ARID4A: variants seen among roughly 807,000 people sequenced by gnomAD.
The protein encoded by ARID4A is AT-rich interaction domain 4A.
In ARID4A, 39 loss-of-function variants were observed where a neutral mutation model predicts 148.6. The observed-to-expected ratio is 0.26, with a 90% CI of 0.20 to 0.34. The LOEUF (loss-of-function observed/expected upper bound fraction) is 0.34. Ranked by LOEUF, ARID4A falls within the 10% of genes least tolerant of loss-of-function variation. The pLI, the probability that ARID4A is intolerant of heterozygous loss-of-function variation, is 1.00. For missense variants in ARID4A, 1,265 were observed against 1,449.1 expected, an observed-to-expected ratio of 0.87 and a Z score of 2.06; for synonymous variants, 475 against 481.2, an observed-to-expected ratio of 0.99 and a Z score of 0.17.
intron 11 of ARID4A, among the ~76,000 whole-genome samples, chr14:58,335,458 C>T (rs1284146370): frequency 2.0e-5 from 3 of 152,044 alleles, no homozygotes; most frequent in South Asian, 4.2e-4. Flanking sequence ...AGATTACAGG[C>T]ATGCACCTCC....
rs1230159116 is a variant in ARID4A at position 58,373,873 on chromosome 14, A to C, written c.*1884A>C. Reference sequence around the variant, plus strand: ...CAATAAAATATTTCTACTAATTATAAAAATGAAAAAAAAAGTGTCATTTAA... The same window carrying C: ...CAATAAAATATTTCTACTAATTATACAAATGAAAAAAAAAGTGTCATTTAA... On this transcript the variant is annotated 3_prime_UTR_variant, in exon 24 of 24. Coordinates refer to ENST00000355431, the MANE Select transcript of ARID4A (RefSeq NM_002892.4). 6.5e-6 allele frequency: 1 copy of C among 153,046 alleles called. No individual in the cohort carries two copies. Among genetic ancestry groups the C allele is most frequent in the African/African-American group, 2.4e-5 (1 of 41,476 alleles). The allele number at this position is 153,046 out of a possible 1,614,324, so 9.5% of individuals were successfully genotyped here. A position where few individuals can be genotyped will look rare whatever the true frequency, so the allele number is the denominator to read the frequency against.
In ARID4A at chr14:58,366,121, A is replaced by AT; in HGVS notation, c.3414_3415insT (p.Arg1139SerfsTer17). The AT allele has an allele frequency of 6.2e-7, 1 of 1,613,946 alleles. No homozygotes were observed. Among genetic ancestry groups the AT allele is most frequent in the Non-Finnish European group, 8.5e-7 (1 of 1,179,838 alleles). On this transcript the variant is annotated frameshift_variant, in exon 22 of 24. Transcript: ENST00000355431. LOFTEE classifies it high-confidence loss of function. ...ATGTATCTAAGCCACAGAAACTTGC[A>AT]CGATCTCCTGCAAGAATATCCCCGC...
intron 11 of ARID4A, 86 bp downstream of exon 11, chr14:58,330,255 G>C: frequency 1.3e-6 from 2 of 1,498,898 alleles, no homozygotes; most frequent in Non-Finnish European, 1.8e-6. Context: ...CCTCTGTTTA[G>C]ATTCTCTATT....
chr14:58,365,332 A>G (rs765560740), intron 20 of ARID4A, 32 bp downstream of exon 20: 11 of 1,561,528 alleles, frequency 7.0e-6, no homozygotes, highest in Non-Finnish European at 9.5e-6. Flanking sequence ...GTAAGTGTTT[A>G]TATGAAACCA....
At chr14:58,351,401 G>C (rs1234522915) in intron 16 of ARID4A, 78 bp downstream of exon 16, 1 of 1,517,298 alleles carries the variant, frequency 6.6e-7, no homozygotes, top group Non-Finnish European at 8.8e-7. Context: ...AGAGATTCAG[G>C]TTTGAGGGAA....
At chr14:58,341,142 T>C (rs528722225) in intron 11 of ARID4A, among the ~76,000 whole-genome samples, 1 of 152,320 alleles carries the variant, frequency 6.6e-6, no homozygotes, top group African/African-American at 2.4e-5. Flanking sequence ...CTGGCAGGAC[T>C]AATTCAGGCA....
chr14:58,306,226 T>C lies in ARID4A; in HGVS notation c.274+114T>C, dbSNP rs375549627. 128 of 775,430 alleles carry C rather than the reference T, an allele frequency of 1.7e-4. No homozygotes were observed. In the East Asian group the frequency reaches 3.1e-3, roughly 19 times the overall value. The allele number at this position is 775,430 out of a possible 1,614,324, so 48.0% of individuals were successfully genotyped here. A position where few individuals can be genotyped will look rare whatever the true frequency, so the allele number is the denominator to read the frequency against. ...AGAAATATATATTATTTCCTGTCAG[T>C]TTACTGGATATAGCTGACTAAAATT... is the stretch of plus-strand genomic sequence containing the variant. On this transcript the variant is annotated intron_variant, in intron 5 of 23. Transcript: ENST00000355431.
intron 9 of ARID4A, among the ~76,000 whole-genome samples, chr14:58,329,239 A>G (rs1240385309): frequency 6.6e-6 from 1 of 152,200 alleles, no homozygotes; most frequent in Non-Finnish European, 1.5e-5. Context: ...TGTTGAAAAC[A>G]TCATGCTGAT....
intron 11 of ARID4A, among the ~76,000 whole-genome samples, chr14:58,341,378 T>C (rs2034110696): frequency 6.6e-6 from 1 of 152,262 alleles, no homozygotes; most frequent in Non-Finnish European, 1.5e-5. Flanking sequence ...CTTACGCTGT[T>C]TGCCCATTTG....
chr14:58,343,281 G>A (rs2034201648), intron 11 of ARID4A, among the ~76,000 whole-genome samples: 1 of 152,004 alleles, frequency 6.6e-6, no homozygotes, highest in Admixed American at 6.6e-5. Flanking sequence ...TTTATATTTG[G>A]TAAAAGTATT....
In ARID4A at chr14:58,330,835, A is replaced by G. The variant is rs1379979772; in HGVS notation, c.906+666A>G. Among the ~76,000 whole-genome samples, 20 of 152,210 alleles carry G rather than the reference A, an allele frequency of 1.3e-4. No individual in the cohort carries two copies. The East Asian group carries it at 3.3e-3, about 25-fold the overall frequency. On this transcript the variant is annotated intron_variant, in intron 11 of 23. Transcript: ENST00000355431. ...TATAATATGCATATAATTGTAGGAA[A>G]TCATCCATGGAGTACTTCATGATTG... is the stretch of plus-strand genomic sequence containing the variant.
At chr14:58,328,195 C>A in intron 8 of ARID4A, 42 bp from the exon 9 acceptor site, 2 of 1,364,064 alleles carry the variant, frequency 1.5e-6, no homozygotes, top group Non-Finnish European at 2.1e-6. Flanking sequence ...TTTTTCTGAG[C>A]ACAGGAAATA....
At chr14:58,317,323 CGT>C (rs2032503022) in intron 5 of ARID4A, among the ~76,000 whole-genome samples, 1 of 139,382 alleles carries the variant, frequency 7.2e-6, no homozygotes, top group Non-Finnish European at 1.5e-5. Flanking sequence ...CTTGCTCTGT[CGT>C]AGAGGCTGGA....
chr14:58,371,942 T>G lies in ARID4A; in HGVS notation c.3727T>G (p.Ser1243Ala). 6.2e-7 allele frequency: 1 copy of G among 1,613,056 alleles called. No homozygotes were observed. ...SASSDTGMSP[S>A]SSSPPQNVLA... ...TTCATCAGACACTGGAATGAGTCCC[T>G]CATCATCATCTCCCCCACAAAATGT... The change falls in exon 24 of 24, where the codon TCA becomes GCA. Residue 1243 changes from serine (S) to alanine (A), a missense_variant. Coordinates refer to ENST00000355431, the MANE Select transcript of ARID4A (RefSeq NM_002892.4).
intron 5 of ARID4A, among the ~76,000 whole-genome samples, chr14:58,315,557 T>A (rs1244698855): frequency 6.6e-6 from 1 of 152,212 alleles, no homozygotes; most frequent in Non-Finnish European, 1.5e-5. Context: ...ATCGTCATCT[T>A]TGGTATTGTA....
chr14:58,355,165 G>A (rs2034815751), intron 17 of ARID4A, among the ~76,000 whole-genome samples: 1 of 152,122 alleles, frequency 6.6e-6, no homozygotes, highest in African/African-American at 2.4e-5. Flanking sequence ...ATCTCTGGTT[G>A]CCCTGTATTT....
rs1555361738 is a variant in ARID4A, at chr14:58,337,246, T to TATATATA, written c.906+7077_906+7078insATATATA. Reference sequence around the variant, plus strand: ...AAATCTCCTAGAACCTTCTCTTTATTTATATATATATATATATATATAATT... The same window carrying TATATATA: ...AAATCTCCTAGAACCTTCTCTTTATTATATATATATATATATATATATATATATAATT... On this transcript the variant is annotated intron_variant, in intron 11 of 23. Transcript: ENST00000355431. Among the ~76,000 whole-genome samples the TATATATA allele has an allele frequency of 4.3e-4, 36 of 83,812 alleles. 1 individual carries two copies. Among genetic ancestry groups the TATATATA allele is most frequent in the African/African-American group, 6.6e-4 (16 of 24,116 alleles). The allele number at this position is 83,812 out of a possible 152,430, so 55.0% of individuals were successfully genotyped here. A position where few individuals can be genotyped will look rare whatever the true frequency, so the allele number is the denominator to read the frequency against.
rs1291879177 is a variant in ARID4A at position 58,323,898 on chromosome 14, T to C, written c.582+281T>C. On this transcript the variant is annotated intron_variant, in intron 8 of 23. Transcript: ENST00000355431. The stretch of plus-strand genomic sequence containing the variant: ...CTATTCCCATTACCTTAGGTTCCCT[T>C]TTTTTTTTTTTTTTTTTTTTTTTTG... Among the ~76,000 whole-genome samples the C allele has an allele frequency of 2.0e-4, 20 of 102,342 alleles. No homozygotes were observed. In the South Asian group the frequency reaches 3.8e-3, roughly 19 times the overall value. The allele number at this position is 102,342 out of a possible 152,430, so 67.1% of individuals were successfully genotyped here. A position where few individuals can be genotyped will look rare whatever the true frequency, so the allele number is the denominator to read the frequency against.
rs199628809 is a variant in ARID4A, at chr14:58,305,025, G to A, written c.183+16G>A. 1.5e-4 allele frequency: 231 copies of A among 1,559,004 alleles called. 1 individual carries two copies. In the African/African-American group the frequency reaches 2.3e-3, roughly 16 times the overall value. ...TCCTTTAAGAGTATGTATGTTGTAC[G>A]GTTTAAAATCTGAAATAATCATAGA... is the stretch of plus-strand genomic sequence containing the variant. On this transcript the variant is annotated intron_variant, in intron 4 of 23. Transcript: ENST00000355431.
Sources: gnomAD v4.1 joint callset for allele counts (sites outside exome capture counted in the v4.1 genomes callset) on GRCh38, gnomAD v4.1.1 for gene constraint, MANE v1.5 for transcripts, NCBI Gene and HGNC (gene_info 2026-07-23, HGNC 2026-07-21) for gene names.